The following PLPPR1 variants were observed in gnomAD, a reference collection of about 807,000 sequenced individuals.
PLPPR1 encodes phospholipid phosphatase-related protein type 1.
A neutral mutation model predicts 33.1 loss-of-function variants in PLPPR1; 10 were observed. The observed-to-expected ratio is 0.30, with a 90% confidence interval of 0.19 to 0.51. The LOEUF (loss-of-function observed/expected upper bound fraction) is 0.51. Among genes scored for constraint, PLPPR1 ranks in the 20% least tolerant of loss-of-function variants. The pLI, the probability that PLPPR1 is intolerant of heterozygous loss-of-function variation, is 0.97. For synonymous variants in PLPPR1, 151 were observed against 151.0 expected (o/e 1.00, Z 0.00); for missense variants, 304 against 408.1 (o/e 0.74, Z 2.20).
chr9:101,271,379 C>T (rs1024515955), intron 3 of PLPPR1, among the ~76,000 whole-genome samples: 42 of 152,166 alleles, frequency 2.8e-4, no homozygotes, highest in African/African-American at 9.9e-4. Flanking sequence ...AACAAAAAAC[C>T]TGGCTGGAAC....
At chr9:101,135,540 A>G (rs1049412556) in intron 1 of PLPPR1, among the ~76,000 whole-genome samples, 3 of 152,152 alleles carry the variant, frequency 2.0e-5, no homozygotes, top group African/African-American at 7.2e-5. Context: ...CTCAAGATCA[A>G]TGACACATTA....
In PLPPR1 at chr9:101,181,903, CATAT is replaced by C. The variant is rs1194726972; in HGVS notation, c.-45-3541_-45-3538del. 6.7e-5 allele frequency among the ~76,000 whole-genome samples: 10 copies of C among 148,632 alleles called. No homozygotes were observed. The East Asian group carries it at 1.8e-3, about 26-fold the overall frequency. On this transcript the variant is annotated intron_variant, in intron 1 of 7. Coordinates refer to ENST00000374874, the MANE Select transcript of PLPPR1 (RefSeq NM_207299.2). ...ATATATACACACATACTTATATACA[CATAT>C]ATATAGTGTGTATGTGTATATATAT...
intron 1 of PLPPR1, among the ~76,000 whole-genome samples, chr9:101,047,046 T>C (rs181529160): frequency 6.6e-6 from 1 of 152,290 alleles, no homozygotes; most frequent in Admixed American, 6.5e-5. Context: ...ATTCTCATAA[T>C]GAACACGCAG....
At chr9:101,044,191 A>G (rs1819412) in intron 1 of PLPPR1, among the ~76,000 whole-genome samples, 54,388 of 152,036 alleles carry the variant, frequency 0.36, 10,128 homozygotes, top group Non-Finnish European at 0.41. Flanking sequence ...CAAACAAACA[A>G]TACCATCAAA....
At chr9:101,317,563 C>T in intron 7 of PLPPR1, 67 bp downstream of exon 7, 2 of 1,438,554 alleles carry the variant, frequency 1.4e-6, no homozygotes, top group Non-Finnish European at 1.9e-6. Context: ...AGTATCAATC[C>T]ATGAATACCA....
chr9:101,214,316 C>T (rs1826745333), intron 2 of PLPPR1, among the ~76,000 whole-genome samples: 1 of 152,176 alleles, frequency 6.6e-6, no homozygotes, highest in South Asian at 2.1e-4. Context: ...CATCATGGCA[C>T]TGCCAACATA....
At chr9:101,126,792 A>G (rs1831250784) in intron 1 of PLPPR1, among the ~76,000 whole-genome samples, 1 of 152,106 alleles carries the variant, frequency 6.6e-6, no homozygotes, top group Non-Finnish European at 1.5e-5. Flanking sequence ...TCACATTCAG[A>G]ATCTGAAGTT....
At chr9:101,047,185 C>CCT (rs1830162667) in intron 1 of PLPPR1, among the ~76,000 whole-genome samples, 1 of 152,196 alleles carries the variant, frequency 6.6e-6, no homozygotes, top group Non-Finnish European at 1.5e-5. Flanking sequence ...TATTTTTACT[C>CCT]TGAGATTCCC....
chr9:101,317,493 A>C lies in PLPPR1; in HGVS notation c.942A>C (p.Ala314=). The stretch of plus-strand genomic sequence containing the variant: ...AAAGCCCTCTGGAAACCTTAAGTGC[A>C]CAGGTATGGTAAAGCAGTTTTAGCA... ...RIESPLETLS[A]QNHSASMTEV... is the part of the protein sequence containing the mutation. The change falls in exon 7 of 8, where the codon GCA becomes GCC. Residue 314 remains alanine (A), a synonymous_variant. Coordinates refer to ENST00000374874, the MANE Select transcript of PLPPR1 (RefSeq NM_207299.2). 6.2e-7 allele frequency: 1 copy of C among 1,613,600 alleles called. No individual in the cohort carries two copies. Among genetic ancestry groups the C allele is most frequent in the Non-Finnish European group, 8.5e-7 (1 of 1,179,816 alleles).
chr9:101,160,761 T>A (rs1409858445), intron 1 of PLPPR1, among the ~76,000 whole-genome samples: 1 of 152,140 alleles, frequency 6.6e-6, no homozygotes, highest in Non-Finnish European at 1.5e-5. Flanking sequence ...TGGAAAGAAT[T>A]TCAAGTTAAA....
intron 1 of PLPPR1, among the ~76,000 whole-genome samples, chr9:101,143,243 T>G (rs1483953688): frequency 1.3e-5 from 2 of 152,170 alleles, no homozygotes; most frequent in Non-Finnish European, 2.9e-5. Context: ...CAGACTTAAG[T>G]CTATCAAATC....
At chr9:101,138,411 C>T (rs148851512) in intron 1 of PLPPR1, among the ~76,000 whole-genome samples, 2 of 152,262 alleles carry the variant, frequency 1.3e-5, no homozygotes, top group East Asian at 1.9e-4. Context: ...TATCTATCTG[C>T]CTGCTTGTCT....
intron 4 of PLPPR1, among the ~76,000 whole-genome samples, chr9:101,299,329 T>C (rs2000164): frequency 0.029 from 4,485 of 152,162 alleles, 229 homozygotes; most frequent in African/African-American, 0.1. Context: ...GGGATCAGGA[T>C]TGGGCTTGTG....
intron 2 of PLPPR1, among the ~76,000 whole-genome samples, chr9:101,195,520 C>T (rs1488536189): frequency 2.6e-5 from 4 of 151,964 alleles, no homozygotes; most frequent in African/African-American, 9.7e-5. Flanking sequence ...CTAAAGAGTT[C>T]AAGCAGAGAC....
intron 4 of PLPPR1, among the ~76,000 whole-genome samples, chr9:101,298,205 C>G (rs1828683758): frequency 2.0e-5 from 3 of 152,084 alleles, no homozygotes; most frequent in Admixed American, 2.0e-4. Context: ...GCTTGTCATC[C>G]AGAGCTCTTC....
chr9:101,322,648 T>C (rs1829178113), intron 7 of PLPPR1: 1 of 152,144 alleles, frequency 6.6e-6, no homozygotes, highest in South Asian at 2.1e-4. Flanking sequence ...CTCACCTAGT[T>C]GATTACATGT....
At chr9:101,204,347 A>G (rs1473826900) in intron 2 of PLPPR1, among the ~76,000 whole-genome samples, 1 of 152,144 alleles carries the variant, frequency 6.6e-6, no homozygotes, top group East Asian at 1.9e-4. Context: ...ATCATATTGT[A>G]CTGGAGATGG....
chr9:101,071,570 C>G (rs180964210), intron 1 of PLPPR1, among the ~76,000 whole-genome samples: 1 of 149,560 alleles, frequency 6.7e-6, no homozygotes. Context: ...CTTGGAGAAA[C>G]AGAAAAAATC....
At chr9:101,138,284 T>A (rs1357107498) in intron 1 of PLPPR1, among the ~76,000 whole-genome samples, 1 of 152,192 alleles carries the variant, frequency 6.6e-6, no homozygotes, top group Non-Finnish European at 1.5e-5. Context: ...CTCACTGGCT[T>A]GTTAAAAGTC....
Sources: allele counts gnomAD v4.1 joint callset (sites outside exome capture counted in the v4.1 genomes callset), GRCh38; gene constraint gnomAD v4.1.1; transcripts MANE v1.5; gene names NCBI Gene and HGNC (gene_info 2026-07-23, HGNC 2026-07-21).